HEPH: variants seen among roughly 807,000 people sequenced by gnomAD.
HEPH encodes hephaestin.
A neutral mutation model predicts 80.8 loss-of-function variants in HEPH; 69 were observed. The ratio of observed to expected loss-of-function variants is 0.85; its 90% confidence interval spans 0.70 to 1.04. The LOEUF is 1.04. Among genes scored for constraint, HEPH ranks in the 50% least tolerant of loss-of-function variants. The pLI, the probability that HEPH is intolerant of heterozygous loss-of-function variation, is 0.00. For missense variants in HEPH, 1,115 were observed against 891.3 expected, an observed-to-expected ratio of 1.25 and a Z score of -3.20; for synonymous variants, 431 against 322.8, an observed-to-expected ratio of 1.34 and a Z score of -3.60.
At chrX:66,203,935 G>C (rs1482274944) in intron 13 of HEPH, among the ~76,000 whole-genome samples, 1 of 112,613 alleles carries the variant, frequency 8.9e-6, no homozygotes, top group African/African-American at 3.2e-5. Flanking sequence ...TTAAGGTACA[G>C]ACTAAGCTAT....
At chrX:66,185,924 C>T (rs1251822885) in intron 4 of HEPH, among the ~76,000 whole-genome samples, 1 of 6,793 alleles carries the variant, frequency 1.5e-4, no homozygotes. Context: ...TTCTAACAGA[C>T]AGGACCCTCA....
chrX:66,201,547 G>T (rs987707819), intron 12 of HEPH, among the ~76,000 whole-genome samples: 9 of 110,759 alleles, frequency 8.1e-5, no homozygotes, highest in Non-Finnish European at 1.9e-5. Flanking sequence ...CTTTTCTTTA[G>T]TCCCTATGGT....
At chrX:66,219,194 G>A (rs1044973182) in intron 15 of HEPH, among the ~76,000 whole-genome samples, 106 of 112,178 alleles carry the variant, frequency 9.4e-4, no homozygotes, top group African/African-American at 3.4e-3. Context: ...TAGCAAGGAA[G>A]CAGTAAGCAG....
In HEPH at chrX:66,197,793, A is replaced by G; in HGVS notation, c.1612A>G (p.Met538Val). The G allele has an allele frequency of 8.3e-7, 1 of 1,211,074 alleles. No individual in the cohort carries two copies. The highest frequency in any genetic ancestry group is 1.1e-6 in the Non-Finnish European group (1 of 895,144). The change falls in exon 10 of 21, where the codon ATG becomes GTG. Residue 538 changes from methionine (M) to valine (V), a missense_variant. Physicochemically the swap from Met to Val is conservative, Grantham distance 21. Transcript: ENST00000343002. ...TCAGGATCCTGCTTGTCTCACTTGG[A>G]TGTACTTCTCTGCTGCAGATCCCAT... ...TAQDPACLTW[M>V]YFSAADPIRD...
intron 4 of HEPH, among the ~76,000 whole-genome samples, chrX:66,187,101 GCTAT>G (rs57431120): frequency 0.1 from 11,241 of 110,230 alleles, 463 homozygotes; most frequent in African/African-American, 0.12. Flanking sequence ...TTTATGCTAT[GCTAT>G]CTATTTCCTT....
intron 15 of HEPH, among the ~76,000 whole-genome samples, chrX:66,248,102 G>A (rs1422946750): frequency 9.1e-6 from 1 of 109,950 alleles, no homozygotes; most frequent in Non-Finnish European, 1.9e-5. Flanking sequence ...TAAGTCCTAT[G>A]GTTATTATTT....
At chrX:66,192,382 A>G (rs1321865013) in intron 7 of HEPH, 84 bp downstream of exon 7, 2 of 974,276 alleles carry the variant, frequency 2.1e-6, no homozygotes, top group African/African-American at 3.9e-5. Flanking sequence ...GAAATCTCTC[A>G]CTTTACTCAG....
At position 66,170,711 on chromosome X, in the gene HEPH, C is replaced by G. The variant is rs144798027; in HGVS notation, c.141C>G (p.Ile47Met). 6.6e-6 allele frequency: 8 copies of G among 1,207,977 alleles called. No individual in the cohort carries two copies. In the African/African-American group the frequency reaches 1.4e-4, roughly 21 times the overall value. Reference protein sequence around the residue: ...WNYAPKGRNVITNQPLDSDIV... With the variant: ...WNYAPKGRNVMTNQPLDSDIV... ...ATGCTCCCAAGGGAAGAAATGTCAT[C>G]ACGAACCAGCCTCTGGACAGTGACA... The change falls in exon 2 of 21, where the codon ATC (isoleucine) becomes ATG (methionine). Residue 47 changes from isoleucine to methionine, a missense_variant. Ile to Met is a conservative substitution (Grantham distance 10, BLOSUM62 1). Transcript: ENST00000343002.
intron 15 of HEPH, among the ~76,000 whole-genome samples, chrX:66,230,993 A>G (rs1360051332): frequency 1.9e-5 from 2 of 107,841 alleles, no homozygotes; most frequent in South Asian, 4.3e-4. Flanking sequence ...CTTTCTACAT[A>G]TGGCTAGCCA....
At chrX:66,259,748 A>C (rs1263269305) in intron 18 of HEPH, among the ~76,000 whole-genome samples, 1 of 105,752 alleles carries the variant, frequency 9.5e-6, no homozygotes, top group Admixed American at 1.0e-4. Context: ...TCACTCTGTC[A>C]TCCAGGCTGG....
At chrX:66,203,265 T>G in intron 12 of HEPH, 99 bp from the exon 13 acceptor site, 1 of 667,528 alleles carries the variant, frequency 1.5e-6, no homozygotes, top group Admixed American at 3.0e-5. Flanking sequence ...TATCTGAAAC[T>G]AACTCTTTTC....
Position 66,203,355 on chromosome X carries a change from C to T in HEPH, c.2078-9C>T. ...CTGAGTCAGATTTTTCTCTCTGATC[C>T]TCCCTCAGGGACATTTGAGATTTAT... On this transcript the variant is annotated splice_polypyrimidine_tract_variant and intron_variant, in intron 12 of 20. Transcript: ENST00000343002. 1 of 1,205,184 alleles carries T rather than the reference C, an allele frequency of 8.3e-7. No homozygotes were observed. Among genetic ancestry groups the T allele is most frequent in the Admixed American group, 2.2e-5 (1 of 45,900 alleles).
At chrX:66,178,305 T>C (rs1359415456) in intron 4 of HEPH, among the ~76,000 whole-genome samples, 3 of 112,650 alleles carry the variant, frequency 2.7e-5, no homozygotes, top group Non-Finnish European at 5.6e-5. Context: ...TAGTATTCCA[T>C]GGTGTATATG....
intron 17 of HEPH, 34 bp downstream of exon 17, chrX:66,256,364 C>T (rs756491596): frequency 9.7e-7 from 1 of 1,027,993 alleles, no homozygotes; most frequent in South Asian, 2.0e-5. Context: ...TGTTCCAAAG[C>T]AGTCCCTACT....
intron 1 of HEPH, among the ~76,000 whole-genome samples, chrX:66,165,797 C>A (rs1046659267): frequency 9.0e-6 from 1 of 111,420 alleles, no homozygotes; most frequent in Non-Finnish European, 1.9e-5. Flanking sequence ...ATTCCTTCTG[C>A]CTTCCTTTTT....
intron 15 of HEPH, among the ~76,000 whole-genome samples, chrX:66,219,364 C>T (rs768198260): frequency 8.9e-6 from 1 of 111,955 alleles, no homozygotes; most frequent in East Asian, 2.8e-4. Flanking sequence ...AACTACTTGC[C>T]TTTGATCGTC....
intron 9 of HEPH, among the ~76,000 whole-genome samples, chrX:66,197,134 C>T (rs2088145583): frequency 9.1e-6 from 1 of 110,093 alleles, no homozygotes; most frequent in African/African-American, 3.3e-5. Context: ...CTGTGCATTG[C>T]TTGACCATGT....
chrX:66,196,224 A>G (rs2088084581), intron 9 of HEPH, among the ~76,000 whole-genome samples: 1 of 111,445 alleles, frequency 9.0e-6, no homozygotes, highest in Non-Finnish European at 1.9e-5. Context: ...TAATATCATG[A>G]TGTTTGTATT....
chrX:66,265,294 A>T (rs750046649), intron 20 of HEPH, among the ~76,000 whole-genome samples: 1 of 111,205 alleles, frequency 9.0e-6, no homozygotes, highest in South Asian at 3.8e-4. Flanking sequence ...TTCAGCGTCT[A>T]TAAATGGAAT....
Sources: gnomAD v4.1 joint callset for allele counts (sites outside exome capture counted in the v4.1 genomes callset) on GRCh38, gnomAD v4.1.1 for gene constraint, MANE v1.5 for transcripts, NCBI Gene and HGNC (gene_info 2026-07-23, HGNC 2026-07-21) for gene names.